The following CALN1 variants were observed in gnomAD, a reference collection of about 807,000 sequenced individuals.
CALN1 encodes calneuron 1.
CALN1 carries 17 observed loss-of-function variants against 30.6 expected under a neutral mutation model. That is an observed-to-expected ratio of 0.56 (90% confidence interval 0.38 to 0.83). CALN1 has a LOEUF of 0.83. Among genes scored for constraint, CALN1 ranks in the 40% least tolerant of loss-of-function variants. CALN1 has a pLI of 0.00. For synonymous variants in CALN1, 156 were observed against 131.4 expected, an observed-to-expected ratio of 1.19 and a Z score of -1.28; for missense variants, 291 against 354.9, an observed-to-expected ratio of 0.82 and a Z score of 1.45.
rs1004139748 is a variant in CALN1 at position 72,269,289 on chromosome 7, T to A, written c.244+9397A>T. ...TTGTTACATATGTATACATGTGCCA[T>A]GTTGGTGTGCTGCACCCATTAACTC... On this transcript the variant is annotated intron_variant, in intron 3 of 6. Transcript: ENST00000395275. 2.0e-5 allele frequency among the ~76,000 whole-genome samples: 3 copies of A among 152,164 alleles called. No individual in the cohort carries two copies. In the East Asian group the frequency reaches 5.8e-4, roughly 29 times the overall value.
the CALN1 span, among the ~76,000 whole-genome samples, chr7:72,482,476 T>G: frequency 2.6e-5 from 4 of 152,150 alleles, no homozygotes; most frequent in Non-Finnish European, 2.9e-5. Context: ...ATGAATTGAA[T>G]TTTTTCTTTT....
At chr7:72,187,203 A>T (rs936499667) in intron 3 of CALN1, among the ~76,000 whole-genome samples, 8 of 152,172 alleles carry the variant, frequency 5.3e-5, no homozygotes, top group Admixed American at 4.6e-4. Flanking sequence ...GAAATGGATG[A>T]AAAAGATTCC....
intron 3 of CALN1, among the ~76,000 whole-genome samples, chr7:72,194,118 A>G (rs1790820623): frequency 6.6e-6 from 1 of 152,202 alleles, no homozygotes; most frequent in Admixed American, 6.5e-5. Context: ...AAATAAATAC[A>G]AAGTATTATA....
chr7:71,967,862 G>A (rs913616590), intron 5 of CALN1, among the ~76,000 whole-genome samples: 3 of 152,010 alleles, frequency 2.0e-5, no homozygotes, highest in East Asian at 1.9e-4. Context: ...ATTTAAAAGC[G>A]AACAAAAGAA....
intron 4 of CALN1, among the ~76,000 whole-genome samples, chr7:72,068,823 A>G (rs927263176): frequency 2.0e-5 from 3 of 152,186 alleles, no homozygotes; most frequent in African/African-American, 7.2e-5. Context: ...TGTTGGATTA[A>G]TAATACTCAC....
intron 5 of CALN1, among the ~76,000 whole-genome samples, chr7:71,994,492 A>G (rs1035360490): frequency 6.8e-6 from 1 of 147,530 alleles, no homozygotes; most frequent in African/African-American, 2.6e-5. Context: ...ACCCTGGGCG[A>G]CAGAGCAAGA....
intron 3 of CALN1, among the ~76,000 whole-genome samples, chr7:72,162,991 G>A (rs995283835): frequency 6.6e-6 from 1 of 152,316 alleles, no homozygotes; most frequent in East Asian, 1.9e-4. Flanking sequence ...GAACTGCTCA[G>A]GCACAGGAGC....
At chr7:72,133,006 G>A (rs1179349805) in intron 3 of CALN1, among the ~76,000 whole-genome samples, 1 of 152,068 alleles carries the variant, frequency 6.6e-6, no homozygotes, top group Admixed American at 6.5e-5. Context: ...TCTAGGTTGG[G>A]CACTCTTTAT....
intron 2 of CALN1, among the ~76,000 whole-genome samples, chr7:72,291,580 T>C (rs1798480445): frequency 6.6e-6 from 1 of 152,244 alleles, no homozygotes; most frequent in Non-Finnish European, 1.5e-5. Context: ...GATTTGTCAC[T>C]GTAGCCTTTC....
chr7:71,812,839 G>A (rs1419180076), intron 5 of CALN1, among the ~76,000 whole-genome samples: 2 of 151,560 alleles, frequency 1.3e-5, no homozygotes, highest in Non-Finnish European at 2.9e-5. Flanking sequence ...AAACATCTGG[G>A]CTCAAGTGAT....
chr7:71,907,807 T>G (rs927378823), intron 5 of CALN1, among the ~76,000 whole-genome samples: 3 of 152,248 alleles, frequency 2.0e-5, no homozygotes, highest in African/African-American at 7.2e-5. Flanking sequence ...ATTTGTAATG[T>G]GCAGAGCACA....
intron 3 of CALN1, among the ~76,000 whole-genome samples, chr7:72,244,562 CTT>C (rs372526828): frequency 1.4e-5 from 2 of 143,146 alleles, no homozygotes; most frequent in African/African-American, 2.6e-5. Flanking sequence ...GAATGAATTC[CTT>C]TTTTTTTTTT....
intron 2 of CALN1, among the ~76,000 whole-genome samples, chr7:72,374,608 A>G (rs1418753750): frequency 6.6e-6 from 1 of 152,010 alleles, no homozygotes; most frequent in Non-Finnish European, 1.5e-5. Context: ...TCAACCTTAT[A>G]AAGGACATCT....
At chr7:72,164,319 C>G (rs374440151) in intron 3 of CALN1, among the ~76,000 whole-genome samples, 1 of 147,544 alleles carries the variant, frequency 6.8e-6, no homozygotes, top group African/African-American at 2.5e-5. Flanking sequence ...CCATTGCACT[C>G]CAGCCTGGGT....
rs368118900 is a variant in CALN1 at position 72,369,634 on chromosome 7, T to G, written c.119+33617A>C. 2.6e-5 allele frequency among the ~76,000 whole-genome samples: 4 copies of G among 152,294 alleles called. No homozygotes were observed. The East Asian group carries it at 7.7e-4, about 29-fold the overall frequency. Reference sequence around the variant, plus strand: ...CCTCGGCCTCCCAAAGTGCTGGGATTACAAGCGTAATCTCTCCCTTCCATT... The same window carrying G: ...CCTCGGCCTCCCAAAGTGCTGGGATGACAAGCGTAATCTCTCCCTTCCATT... On this transcript the variant is annotated intron_variant, in intron 2 of 6. Coordinates refer to ENST00000395275, the MANE Select transcript of CALN1 (RefSeq NM_031468.4).
chr7:71,819,075 A>C lies in CALN1; in HGVS notation c.502-8583T>G, dbSNP rs193023503. 3.6e-3 allele frequency among the ~76,000 whole-genome samples: 548 copies of C among 152,074 alleles called. 2 individuals carry two copies. The highest frequency in any genetic ancestry group is 6.7e-3 in the Admixed American group (102 of 15,258). ...TTGCTATGTCGCCCAGGCTGGTCGC[A>C]AACTCCCAGGCTCAAGCAGTCCTAC... is the stretch of plus-strand genomic sequence containing the variant. On this transcript the variant is annotated intron_variant, in intron 5 of 6. Transcript: ENST00000395275.
intron 2 of CALN1, among the ~76,000 whole-genome samples, chr7:72,295,811 AG>A (rs1205147066): frequency 4.0e-5 from 6 of 151,766 alleles, no homozygotes; most frequent in Non-Finnish European, 5.9e-5. Flanking sequence ...GTCTGCAAAG[AG>A]GGACAATTTG....
chr7:72,435,239 G>GAAA (rs34343025), intron 1 of CALN1, among the ~76,000 whole-genome samples: 1 of 133,052 alleles, frequency 7.5e-6, no homozygotes, highest in African/African-American at 2.8e-5. Context: ...AGTCTCTAAG[G>GAAA]AAAAAAAAAA....
At chr7:71,993,455 CTT>C (rs34736851) in intron 5 of CALN1, among the ~76,000 whole-genome samples, 12 of 133,776 alleles carry the variant, frequency 9.0e-5, no homozygotes, top group African/African-American at 8.3e-5. Flanking sequence ...AACAATGAGG[CTT>C]TTTTTTTTTT....
Sources: allele counts gnomAD v4.1 joint callset (sites outside exome capture counted in the v4.1 genomes callset), GRCh38; gene constraint gnomAD v4.1.1; transcripts MANE v1.5; gene names NCBI Gene and HGNC (gene_info 2026-07-23, HGNC 2026-07-21).